Variants in GAK observed in about 807,000 individuals in gnomAD.
GAK encodes the protein cyclin G associated kinase.
In GAK, 79 loss-of-function variants were observed where a neutral mutation model predicts 143.9. That is an observed-to-expected ratio of 0.55 (90% CI 0.46 to 0.66). The LOEUF (loss-of-function observed/expected upper bound fraction) is 0.66. Among genes scored for constraint, GAK ranks in the 30% least tolerant of loss-of-function variants. GAK has a pLI of 0.00. For missense variants in GAK, 1,693 were observed against 1,779.7 expected, an observed-to-expected ratio of 0.95 and a Z score of 0.88; for synonymous variants, 881 against 765.5, an observed-to-expected ratio of 1.15 and a Z score of -2.49.
At position 927,005 on chromosome 4, in the gene GAK, CCAGCG is replaced by C. The variant is rs1724903640; in HGVS notation, c.145+5033_145+5037del. On this transcript the variant is annotated intron_variant, in intron 1 of 27. Transcript: ENST00000314167. ...ACTGCCCCGCACCCCTCCCGGCTCACCAGCGCTCCGCACTGCCCCGCACCCCTCCC... is the reference window on the plus strand; with the variant it reads ...ACTGCCCCGCACCCCTCCCGGCTCACCTCCGCACTGCCCCGCACCCCTCCC... 3.9e-5 allele frequency among the ~76,000 whole-genome samples: 2 copies of C among 51,814 alleles called. 1 individual carries two copies. The highest frequency in any genetic ancestry group is 1.7e-4 in the African/African-American group (2 of 11,466). 34.0% of individuals were successfully genotyped at this position (51,814 alleles called of 152,430 possible).
At chr4:917,978 AG>A (rs1340633940) in intron 1 of GAK, among the ~76,000 whole-genome samples, 1 of 152,234 alleles carries the variant, frequency 6.6e-6, no homozygotes, top group African/African-American at 2.4e-5. Flanking sequence ...ATAGAGGAGA[AG>A]GGTTCCCAGC....
At chr4:871,986 A>G (rs568551098) in intron 18 of GAK, among the ~76,000 whole-genome samples, 118 of 152,274 alleles carry the variant, frequency 7.7e-4, no homozygotes, top group African/African-American at 2.7e-3. Flanking sequence ...AGAAACACAA[A>G]AGAGTGGCGG....
At chr4:911,308 C>T (rs1722010889) in intron 4 of GAK, among the ~76,000 whole-genome samples, 1 of 152,096 alleles carries the variant, frequency 6.6e-6, no homozygotes, top group African/African-American at 2.4e-5. Flanking sequence ...CCCACAGGGA[C>T]CCCAGAGCCC....
chr4:912,279 C>T, intron 3 of GAK: 1 of 412,418 alleles, frequency 2.4e-6, no homozygotes, highest in Non-Finnish European at 5.0e-6. Context: ...CCCAGATCCT[C>T]TGTCAGCGCC....
chr4:862,752 T>G (rs1435355773), intron 23 of GAK, among the ~76,000 whole-genome samples: 1 of 152,226 alleles, frequency 6.6e-6, no homozygotes, highest in Non-Finnish European at 1.5e-5. Flanking sequence ...CAGCATGGTT[T>G]ATGGAATATT....
rs190995027 is a variant in GAK at position 902,529 on chromosome 4, C to T, written c.525+2108G>A. 2.4e-3 allele frequency among the ~76,000 whole-genome samples: 342 copies of T among 140,504 alleles called. 3 individuals are homozygous for T. Among genetic ancestry groups the T allele is most frequent in the African/African-American group, 8.9e-3 (333 of 37,256 alleles). The allele number at this position is 140,504 out of a possible 152,430, so 92.2% of individuals were successfully genotyped here. A position where few individuals can be genotyped will look rare whatever the true frequency, so the allele number is the denominator to read the frequency against. ...AGGTGGGAGATCACCTGGGCCAAGTCGGCCGAGGCGGCAGTGAGCCCCGTC... is the reference window on the plus strand; with the variant it reads ...AGGTGGGAGATCACCTGGGCCAAGTTGGCCGAGGCGGCAGTGAGCCCCGTC... On this transcript the variant is annotated intron_variant, in intron 5 of 27. Transcript: ENST00000314167.
intron 7 of GAK, 130 bp from the exon 8 acceptor site, chr4:894,139 CGCAGGGGTGACACTGGGGACT>C (rs1292272492): frequency 2.9e-4 from 319 of 1,093,950 alleles, no homozygotes; most frequent in Non-Finnish European, 1.6e-4. Flanking sequence ...CCGTGGGGAG[CGCAGGGGTGACACTGGGGACT>C]GCAGGGAACA....
Position 882,833 on chromosome 4 carries a change from G to T in GAK, c.1405-14C>A. ...ACACTCGGAGACCTGTGGGGACAGG[G>T]CACGGTGGCACGGACGGCAGAGGAG... On this transcript the variant is annotated splice_polypyrimidine_tract_variant and intron_variant, in intron 13 of 27. Transcript: ENST00000314167. 6.2e-7 allele frequency: 1 copy of T among 1,605,040 alleles called. No individual in the cohort carries two copies. The highest frequency in any genetic ancestry group is 8.5e-7 in the Non-Finnish European group (1 of 1,178,462).
At chr4:900,285 G>A (rs1357135361) in intron 5 of GAK, among the ~76,000 whole-genome samples, 1 of 152,260 alleles carries the variant, frequency 6.6e-6, no homozygotes, top group Non-Finnish European at 1.5e-5. Flanking sequence ...GGGCAGGCGA[G>A]TGGGGCCACG....
rs1747806961 is a variant in GAK at position 849,935 on chromosome 4, T to C, written c.3791A>G (p.Lys1264Arg). ...CAGCACCGCGCGGCGATAGTGCTTCTTCACTTGCTCCGGAGCCACCAGGTC... is the reference window on the plus strand; with the variant it reads ...CAGCACCGCGCGGCGATAGTGCTTCCTCACTTGCTCCGGAGCCACCAGGTC... The part of the protein sequence containing the change: ...MADLVAPEQV[K>R]KHYRRAVLAV... The change falls in exon 27 of 28, where the codon AAG becomes AGG. Residue 1264 changes from lysine to arginine, a missense_variant. By Grantham distance (26) the Lys-to-Arg change is conservative. Transcript: ENST00000314167. The C allele has an allele frequency of 1.2e-6, 2 of 1,608,546 alleles. No homozygotes were observed. Among genetic ancestry groups the C allele is most frequent in the African/African-American group, 1.3e-5 (1 of 74,290 alleles).
chr4:874,965 C>CTT (rs1316475214), intron 18 of GAK, among the ~76,000 whole-genome samples: 1 of 152,192 alleles, frequency 6.6e-6, no homozygotes, highest in Non-Finnish European at 1.5e-5. Context: ...CACTGTTAAT[C>CTT]ATGTACTGAA....
intron 24 of GAK, among the ~76,000 whole-genome samples, chr4:854,106 C>T (rs960513765): frequency 1.3e-5 from 2 of 151,520 alleles, no homozygotes; most frequent in Non-Finnish European, 2.9e-5. Flanking sequence ...CCGTCTCTCG[C>T]CCATTTTCTT....
intron 1 of GAK, among the ~76,000 whole-genome samples, chr4:923,847 A>G (rs974704284): frequency 1.1e-3 from 166 of 152,230 alleles, no homozygotes; most frequent in African/African-American, 3.5e-3. Context: ...ATATAAACAT[A>G]AGACCTGTAT....
At chr4:915,668 T>C (rs1321509819) in intron 1 of GAK, 1 of 152,124 alleles carries the variant, frequency 6.6e-6, no homozygotes, top group Non-Finnish European at 1.5e-5. Flanking sequence ...AAAAACTACA[T>C]CATGAAATTT....
chr4:926,838 C>T (rs1415506293), intron 1 of GAK, among the ~76,000 whole-genome samples: 1 of 148,444 alleles, frequency 6.7e-6, no homozygotes, highest in African/African-American at 2.5e-5. Flanking sequence ...CTGCCCCGCA[C>T]CCCTCCCAGC....
intron 16 of GAK, 30 bp from the exon 17 acceptor site, chr4:877,237 TA>T (rs773662108): frequency 2.0e-6 from 3 of 1,493,700 alleles, no homozygotes; most frequent in Admixed American, 3.4e-5. Context: ...AGAAAAATTT[TA>T]AAAACCCCCA....
At chr4:914,729 C>T (rs1291154957) in intron 1 of GAK, among the ~76,000 whole-genome samples, 1 of 124,096 alleles carries the variant, frequency 8.1e-6, no homozygotes, top group Non-Finnish European at 1.7e-5. Context: ...CCGCACTCAG[C>T]CCCAGCGTGC....
At chr4:880,346 A>G (rs1294416909) in intron 15 of GAK, among the ~76,000 whole-genome samples, 1 of 152,232 alleles carries the variant, frequency 6.6e-6, no homozygotes, top group Non-Finnish European at 1.5e-5. Context: ...TGCACTCTGC[A>G]TGAGCGTCCT....
At chr4:857,647 C>T (rs957823809) in intron 24 of GAK, among the ~76,000 whole-genome samples, 7 of 152,190 alleles carry the variant, frequency 4.6e-5, no homozygotes, top group Admixed American at 1.3e-4. Context: ...AGTGGTGCCT[C>T]CTGCACCATC....
Sources: allele counts gnomAD v4.1 joint callset (sites outside exome capture counted in the v4.1 genomes callset), GRCh38; gene constraint gnomAD v4.1.1; transcripts MANE v1.5; gene names NCBI Gene and HGNC (gene_info 2026-07-23, HGNC 2026-07-21).